Variants in CPXM2 observed in about 807,000 individuals in gnomAD.
CPXM2 encodes the protein carboxypeptidase X, M14 family member 2.
CPXM2 carries 66 observed loss-of-function variants against 86.1 expected under a neutral mutation model. The observed-to-expected ratio is 0.77, with a 90% CI of 0.63 to 0.94. CPXM2 has a LOEUF of 0.94. Ranked by LOEUF, CPXM2 falls within the 40% of genes least tolerant of loss-of-function variation. The probability of loss-of-function intolerance (pLI) is 0.00; values close to 1 mark genes in which losing one functional copy is unlikely to be tolerated. For synonymous variants in CPXM2, 388 were observed against 400.2 expected, an observed-to-expected ratio of 0.97 and a Z score of 0.36; for missense variants, 948 against 1,026.3, an observed-to-expected ratio of 0.92 and a Z score of 1.04.
chr10:123,914,891 C>G (rs1160037328), intron 2 of CPXM2, among the ~76,000 whole-genome samples: 1 of 152,170 alleles, frequency 6.6e-6, no homozygotes, highest in Non-Finnish European at 1.5e-5. Context: ...TTCCCTCTTG[C>G]CTCCTGACAA....
upstream of CPXM2, among the ~76,000 whole-genome samples, chr10:123,941,809 T>A (rs942785888): frequency 1.3e-5 from 2 of 152,192 alleles, no homozygotes; most frequent in Non-Finnish European, 2.9e-5. Context: ...GGTTCTCTCG[T>A]TCACCTTGAG....
intron 2 of CPXM2, among the ~76,000 whole-genome samples, chr10:123,911,518 G>GT (rs1205979246): frequency 6.6e-6 from 1 of 151,468 alleles, no homozygotes; most frequent in Non-Finnish European, 1.5e-5. Context: ...TTTGCCATTA[G>GT]TTTTAAAGGC....
chr10:123,884,803 T>A (rs1460618962), intron 1 of CPXM2, among the ~76,000 whole-genome samples: 2 of 152,204 alleles, frequency 1.3e-5, no homozygotes. Flanking sequence ...AGTCCCACCC[T>A]CCTCTGGGCC....
chr10:123,813,979 C>A (rs1323892189), intron 4 of CPXM2, among the ~76,000 whole-genome samples: 2 of 152,290 alleles, frequency 1.3e-5, no homozygotes, highest in Admixed American at 1.3e-4. Context: ...CTAGGCCAAT[C>A]ACAGTACCTT....
At chr10:123,869,578 T>C (rs1944857032) in intron 2 of CPXM2, among the ~76,000 whole-genome samples, 1 of 152,180 alleles carries the variant, frequency 6.6e-6, no homozygotes, top group South Asian at 2.1e-4. Flanking sequence ...AGTGCAGCTC[T>C]CTGAGAACAC....
chr10:123,833,832 T>C (rs1848219493), intron 4 of CPXM2, among the ~76,000 whole-genome samples: 1 of 152,030 alleles, frequency 6.6e-6, no homozygotes, highest in Non-Finnish European at 1.5e-5. Context: ...GATAGAGGAA[T>C]GGGGTAGGGG....
chr10:123,805,785 TCTC>T (rs1310916886), intron 4 of CPXM2, among the ~76,000 whole-genome samples: 19 of 152,204 alleles, frequency 1.2e-4, no homozygotes, highest in African/African-American at 4.3e-4. Flanking sequence ...ATTACTAGTT[TCTC>T]TTTATTGACT....
At chr10:123,936,629 C>T (rs889781318) in intron 2 of CPXM2, among the ~76,000 whole-genome samples, 4 of 152,204 alleles carry the variant, frequency 2.6e-5, no homozygotes, top group African/African-American at 9.7e-5. Context: ...GACCGAATGT[C>T]TTTTCTCAAG....
rs1846902025 is a variant in CPXM2 at position 123,780,224 on chromosome 10, C to T, written c.921G>A (p.Glu307=). Residue 307 remains glutamate (E), a synonymous_variant, in exon 7 of 14, where the codon GAG becomes GAA. Coordinates refer to ENST00000241305, the MANE Select transcript of CPXM2 (RefSeq NM_198148.3). ...AATCCAGGTCATCAGTGGTGGTCATCTCGTTCCGGCGGTGATAATAATTAT... is the reference window on the plus strand; with the variant it reads ...AATCCAGGTCATCAGTGGTGGTCATTTCGTTCCGGCGGTGATAATAATTAT... The part of the protein sequence containing the change: ...DPNNYYHRRN[E]MTTTDDLDFK... 6.2e-7 allele frequency: 1 copy of T among 1,610,958 alleles called. No individual in the cohort carries two copies. Among genetic ancestry groups the T allele is most frequent in the Non-Finnish European group, 8.5e-7 (1 of 1,177,122 alleles).
intron 1 of CPXM2, 60 bp from the exon 2 acceptor site, chr10:123,880,369 T>C: frequency 1.3e-6 from 1 of 797,532 alleles, no homozygotes; most frequent in South Asian, 1.4e-5. Context: ...TTCAAGATGC[T>C]AAGAGTTCAA....
At chr10:123,752,626 A>G (rs17105920) in intron 13 of CPXM2, 139,801 of 984,478 alleles carry the variant, frequency 0.14, 10,674 homozygotes, top group Middle Eastern at 0.26. Context: ...TTGGCACGAC[A>G]GGATCATGGG....
rs1042714692 is a variant in CPXM2 at position 123,891,464 on chromosome 10, C to T, written c.196G>A (p.Gly66Arg). Residue 66 changes from glycine (G) to arginine (R), a missense_variant, in exon 1 of 14, where the codon GGG (glycine) becomes AGG (arginine). Gly to Arg is a moderately radical substitution (Grantham distance 125). Coordinates refer to ENST00000241305, the MANE Select transcript of CPXM2 (RefSeq NM_198148.3). The surrounding 1 kb of genome is among the most constrained non-coding windows in gnomAD (Gnocchi z 5.6). ...TFSPPLPAGP[G>R]EEWERRPQEP... Reference sequence around the variant, plus strand: ...TGCGGGCGCCGCTCCCACTCCTCCCCGGGCCCCGCAGGCAGCGGCGGAGAG... The same window carrying T: ...TGCGGGCGCCGCTCCCACTCCTCCCTGGGCCCCGCAGGCAGCGGCGGAGAG... 7.9e-5 allele frequency: 122 copies of T among 1,549,448 alleles called. No individual in the cohort carries two copies. The highest frequency in any genetic ancestry group is 9.0e-5 in the Non-Finnish European group (103 of 1,146,316).
chr10:123,871,029 C>T (rs1292003961), intron 2 of CPXM2, among the ~76,000 whole-genome samples: 3 of 152,216 alleles, frequency 2.0e-5, no homozygotes, highest in Admixed American at 1.3e-4. Context: ...AATCGGGTTC[C>T]AGCCCATGCT....
chr10:123,907,960 G>A (rs1171989482), intron 2 of CPXM2, among the ~76,000 whole-genome samples: 3 of 152,250 alleles, frequency 2.0e-5, no homozygotes, highest in South Asian at 2.1e-4. Context: ...GAAAGGAAAA[G>A]GGGAAGAAGG....
intron 2 of CPXM2, among the ~76,000 whole-genome samples, chr10:123,918,301 A>C (rs1303651979): frequency 6.6e-6 from 1 of 152,238 alleles, no homozygotes. Flanking sequence ...TTATGCAGCC[A>C]TGAAAAATAA....
In CPXM2 at chr10:123,752,452, GCATTTTAGACA is replaced by G. The variant is rs1212091516; in HGVS notation, c.2017+2200_2017+2210del. On this transcript the variant is annotated intron_variant, in intron 13 of 13. Transcript: ENST00000241305. ...TTACACAGCAATCTACTATTTTGTG[GCATTTTAGACA>G]CATTTCCCCCATTTACATATTTGGT... 6 of 985,148 alleles carry G rather than the reference GCATTTTAGACA, an allele frequency of 6.1e-6. No individual in the cohort carries two copies. The African/African-American group carries it at 7.0e-5, about 11-fold the overall frequency. 61.0% of individuals were successfully genotyped at this position (985,148 alleles called of 1,614,324 possible). A position where few individuals can be genotyped will look rare whatever the true frequency, so the allele number is the denominator to read the frequency against.
chr10:123,836,882 T>C (rs1848292949), intron 4 of CPXM2, among the ~76,000 whole-genome samples: 1 of 141,970 alleles, frequency 7.0e-6, no homozygotes, highest in Non-Finnish European at 1.6e-5. Flanking sequence ...CACCTGGATC[T>C]TCCCCCCAGG....
At chr10:123,912,263 C>A (rs75999005) in intron 2 of CPXM2, among the ~76,000 whole-genome samples, 2 of 137,162 alleles carry the variant, frequency 1.5e-5, no homozygotes, top group East Asian at 4.3e-4. Context: ...GATGGTCACC[C>A]AACACTCCTA....
At chr10:123,862,163 G>A (rs192914107) in intron 3 of CPXM2, among the ~76,000 whole-genome samples, 52 of 152,314 alleles carry the variant, frequency 3.4e-4, no homozygotes, top group African/African-American at 1.1e-3. Context: ...GGCTTGACCC[G>A]GGGGAACACA....
Sources: gnomAD v4.1 joint callset for allele counts (sites outside exome capture counted in the v4.1 genomes callset) on GRCh38, gnomAD v4.1.1 for gene constraint, Gnocchi (gnomAD v3.1) non-coding constraint, MANE v1.5 for transcripts, NCBI Gene and HGNC (gene_info 2026-07-23, HGNC 2026-07-21) for gene names.